Variants in SUSD1 observed in about 807,000 individuals in gnomAD.
SUSD1 encodes the protein sushi domain-containing protein 1.
In SUSD1, 65 loss-of-function variants were observed where a neutral mutation model predicts 86.9. The observed-to-expected ratio is 0.75, with a 90% CI of 0.61 to 0.92. The LOEUF is 0.92. Among genes scored for constraint, SUSD1 ranks in the 40% least tolerant of loss-of-function variants. The probability of loss-of-function intolerance (pLI) is 0.00; values close to 1 mark genes in which losing one functional copy is unlikely to be tolerated. For missense variants in SUSD1, 850 were observed against 929.7 expected (o/e 0.91, Z 1.11); for synonymous variants, 346 against 350.0 (o/e 0.99, Z 0.13).
chr9:112,130,899 T>C (rs1832006514), intron 5 of SUSD1, among the ~76,000 whole-genome samples: 2 of 151,278 alleles, frequency 1.3e-5, no homozygotes, highest in African/African-American at 4.9e-5. Flanking sequence ...GGCTCATGCC[T>C]GTAGTCCCAG....
intron 2 of SUSD1, among the ~76,000 whole-genome samples, chr9:112,152,751 C>CTTTTTTTTTTTTTTTTTTTTT (rs71382410): frequency 2.2e-4 from 19 of 87,492 alleles, no homozygotes; most frequent in African/African-American, 3.0e-4. Flanking sequence ...TTTTTTTAAT[C>CTTTTTTTTTTTTTTTTTTTTT]TTTTTTTTTT....
At chr9:112,112,140 G>T in intron 7 of SUSD1, 1 of 269,006 alleles carries the variant, frequency 3.7e-6, no homozygotes, top group Middle Eastern at 1.2e-3. Flanking sequence ...GTCAGCAGAC[G>T]CTCCCGGGCT....
intron 12 of SUSD1, among the ~76,000 whole-genome samples, chr9:112,072,873 CT>C (rs1229167430): frequency 1.3e-5 from 2 of 152,248 alleles, no homozygotes; most frequent in Admixed American, 6.5e-5. Context: ...AGTCCCTCTG[CT>C]GACCTGTGGT....
At chr9:112,143,391 C>A in intron 4 of SUSD1, 80 bp downstream of exon 4, 1 of 1,472,510 alleles carries the variant, frequency 6.8e-7, no homozygotes, top group Non-Finnish European at 9.3e-7. Flanking sequence ...CCTGCCTCCC[C>A]AACACAGGCT....
intron 6 of SUSD1, among the ~76,000 whole-genome samples, chr9:112,120,681 A>C (rs867624759): frequency 2.0e-5 from 3 of 152,232 alleles, no homozygotes; most frequent in South Asian, 4.1e-4. Context: ...GACTTTGTGA[A>C]AGGTAGCAGG....
Position 112,119,401 on chromosome 9 carries a change from G to A in SUSD1, c.886+4856C>T, listed in dbSNP as rs571517019. Among the ~76,000 whole-genome samples the A allele has an allele frequency of 3.9e-5, 6 of 152,294 alleles. No individual in the cohort carries two copies. The East Asian group carries it at 1.2e-3, about 29-fold the overall frequency. On this transcript the variant is annotated intron_variant, in intron 6 of 16. Transcript: ENST00000374270. ...GCTGCAACTGAGCACCCAGTGGGCT[G>A]GAGAAGAGGGTCACCAGCCAAACAG...
intron 15 of SUSD1, among the ~76,000 whole-genome samples, chr9:112,042,707 G>A (rs965733045): frequency 6.6e-6 from 1 of 152,156 alleles, no homozygotes; most frequent in African/African-American, 2.4e-5. Flanking sequence ...ACTGTTCCAA[G>A]CACCTCACAA....
chr9:112,120,651 C>T (rs1195119210), intron 6 of SUSD1, among the ~76,000 whole-genome samples: 1 of 152,230 alleles, frequency 6.6e-6, no homozygotes, highest in East Asian at 1.9e-4. Context: ...CCCATGGAAA[C>T]AGCTGCAGCT....
In SUSD1 at chr9:112,121,084, A is replaced by G. The variant is rs546396063; in HGVS notation, c.886+3173T>C. 2.6e-5 allele frequency among the ~76,000 whole-genome samples: 4 copies of G among 152,316 alleles called. No individual in the cohort carries two copies. The East Asian group carries it at 5.8e-4, about 22-fold the overall frequency. Reference sequence around the variant, plus strand: ...CTAGTCCAGCGTGGCATTAGCTCCAATTATTAAGACTGGACCCCCCTAGAG... The same window carrying G: ...CTAGTCCAGCGTGGCATTAGCTCCAGTTATTAAGACTGGACCCCCCTAGAG... On this transcript the variant is annotated intron_variant, in intron 6 of 16. Coordinates refer to ENST00000374270, the MANE Select transcript of SUSD1 (RefSeq NM_022486.5).
chr9:112,141,768 A>G (rs953707882), intron 5 of SUSD1, among the ~76,000 whole-genome samples: 1 of 146,596 alleles, frequency 6.8e-6, no homozygotes, highest in South Asian at 2.1e-4. Flanking sequence ...AATATATAAT[A>G]CATTACATGT....
chr9:112,112,789 G>T lies in SUSD1; in HGVS notation c.966C>A (p.Asn322Lys). Residue 322 changes from asparagine (N) to lysine (K), a missense_variant, in exon 7 of 17, where the codon AAC becomes AAA. Asn to Lys is a moderately conservative substitution (Grantham distance 94). Coordinates refer to ENST00000374270, the MANE Select transcript of SUSD1 (RefSeq NM_022486.5). ...VRWQINSRRI[N>K]PKISYVISIK... ...TACTTACCACATATGAGATCTTGGG[G>T]TTTATTCTTCTTGAGTTTATTTGCC... 2 of 1,611,934 alleles carry T rather than the reference G, an allele frequency of 1.2e-6. No individual in the cohort carries two copies. The highest frequency in any genetic ancestry group is 1.7e-6 in the Non-Finnish European group (2 of 1,178,040).
chr9:112,142,498 T>G lies in SUSD1; in HGVS notation c.528A>C (p.Glu176Asp). ...HPTTDATSCT[E>D]IDCGTPPEVP... ...CCTCAGGAGGGGTACCACAGTCTAT[T>G]TCTGAAAATAAATTAATGTCAAATT... is the stretch of plus-strand genomic sequence containing the variant. The change falls in exon 5 of 17, where the codon GAA (glutamate) becomes GAC (aspartate). Residue 176 changes from glutamate to aspartate, a missense_variant and splice_region_variant. Coordinates refer to ENST00000374270, the MANE Select transcript of SUSD1 (RefSeq NM_022486.5). 1 of 1,602,364 alleles carries G rather than the reference T, an allele frequency of 6.2e-7. No individual in the cohort carries two copies. Among genetic ancestry groups the G allele is most frequent in the Non-Finnish European group, 8.5e-7 (1 of 1,177,498 alleles).
At chr9:112,114,912 CT>C (rs911571552) in intron 6 of SUSD1, among the ~76,000 whole-genome samples, 1 of 152,234 alleles carries the variant, frequency 6.6e-6, no homozygotes, top group Admixed American at 6.5e-5. Context: ...TGCCCACCCT[CT>C]GTGGAGACCA....
At position 112,080,146 on chromosome 9, in the gene SUSD1, G is replaced by A; in HGVS notation, c.1494C>T (p.Asn498=). 2 of 1,612,664 alleles carry A rather than the reference G, an allele frequency of 1.2e-6. No homozygotes were observed. The highest frequency in any genetic ancestry group is 2.2e-5 in the South Asian group (2 of 91,060). The change falls in exon 11 of 17, where the codon AAC becomes AAT. Residue 498 remains asparagine (N), a synonymous_variant. Coordinates refer to ENST00000374270, the MANE Select transcript of SUSD1 (RefSeq NM_022486.5). ...AGCAGGTTTCATTAAATCCTGAAAT[G>A]TTACTGATGGTCTGTTTTACTGTAG... The part of the protein sequence containing the change: ...TPPAVKQTIS[N]ISGFNETCLR...
chr9:112,050,809 A>G (rs1337212948), intron 15 of SUSD1, among the ~76,000 whole-genome samples: 1 of 152,212 alleles, frequency 6.6e-6, no homozygotes, highest in Non-Finnish European at 1.5e-5. Context: ...AAAGAAATGT[A>G]CTGTACTGCC....
At chr9:112,156,177 T>C (rs80051231) in intron 2 of SUSD1, among the ~76,000 whole-genome samples, 1 of 143,848 alleles carries the variant, frequency 7.0e-6, no homozygotes, top group African/African-American at 2.5e-5. Flanking sequence ...AAAAAAAAAC[T>C]CACTGGCCGG....
At position 112,167,059 on chromosome 9, in the gene SUSD1, G is replaced by T. The variant is rs182571661; in HGVS notation, c.103+8074C>A. 2.0e-5 allele frequency among the ~76,000 whole-genome samples: 3 copies of T among 152,168 alleles called. No individual in the cohort carries two copies. In the East Asian group the frequency reaches 5.8e-4, roughly 29 times the overall value. On this transcript the variant is annotated intron_variant, in intron 1 of 16. Transcript: ENST00000374270. ...TGGTGTCTCAACCAGAGTCAGGGTT[G>T]GAGTCATGATCCTTAGTTATGTGAG... is the stretch of plus-strand genomic sequence containing the variant.
At position 112,058,674 on chromosome 9, in the gene SUSD1, C is replaced by T; in HGVS notation, c.1863G>A (p.Val621=). The T allele has an allele frequency of 6.2e-7, 1 of 1,614,170 alleles. No individual in the cohort carries two copies. Among genetic ancestry groups the T allele is most frequent in the Non-Finnish European group, 8.5e-7 (1 of 1,180,006 alleles). Residue 621 remains valine, a synonymous_variant, in exon 14 of 17, where the codon GTG becomes GTA. Coordinates refer to ENST00000374270, the MANE Select transcript of SUSD1 (RefSeq NM_022486.5). The stretch of plus-strand genomic sequence containing the variant: ...TTTGGAGGGCCAGGGGAAGCACTAA[C>T]ACCTGATATGAACTGGAAGAAAAAA... ...EKNGPISSYQ[V]LVLPLALQST... is the part of the protein sequence containing the mutation.
chr9:112,133,114 C>A lies in SUSD1; in HGVS notation c.707-8678G>T, dbSNP rs116102848. Among the ~76,000 whole-genome samples, 706 of 152,190 alleles carry A rather than the reference C, an allele frequency of 4.6e-3. 9 individuals carry two copies. The highest frequency in any genetic ancestry group is 0.016 in the African/African-American group (679 of 41,522). ...GCAACATGTTAAGACACTGTTTCTA[C>A]AAAAATAAAAAACAAATTGTTTTAG... On this transcript the variant is annotated intron_variant, in intron 5 of 16. Transcript: ENST00000374270.
Sources: allele counts gnomAD v4.1 joint callset (sites outside exome capture counted in the v4.1 genomes callset), GRCh38; gene constraint gnomAD v4.1.1; transcripts MANE v1.5; gene names NCBI Gene and HGNC (gene_info 2026-07-23, HGNC 2026-07-21).